KLF13: variants seen among roughly 807,000 people sequenced by gnomAD.
KLF13 encodes the protein KLF transcription factor 13.
Under a neutral mutation model 16.7 loss-of-function variants are expected in KLF13, and 8 were observed. The observed-to-expected ratio is 0.48, with a 90% confidence interval of 0.28 to 0.87. KLF13 has a LOEUF of 0.87. KLF13 is among the 40% of genes least tolerant of loss of function. The pLI is 0.10. For missense variants in KLF13, 447 were observed against 452.2 expected, an observed-to-expected ratio of 0.99 and a Z score of 0.10; for synonymous variants, 245 against 208.4, an observed-to-expected ratio of 1.18 and a Z score of -1.51.
intron 2 of KLF13, among the ~76,000 whole-genome samples, chr15:31,401,968 T>C (rs576345337): frequency 6.6e-6 from 1 of 152,344 alleles, no homozygotes; most frequent in Admixed American, 6.5e-5. Flanking sequence ...CTCAGCAGAA[T>C]TGCCAGAATC....
At chr15:31,352,011 C>CA (rs879823590) in intron 1 of KLF13, among the ~76,000 whole-genome samples, 293 of 130,884 alleles carry the variant, frequency 2.2e-3, no homozygotes, top group Admixed American at 6.8e-3. Flanking sequence ...GACTCCGTGT[C>CA]AAAAAAAAAA....
Position 31,413,187 on chromosome 15 carries a change from C to CAAAAAAAAAAAA in KLF13, n.117+19500_117+19511dup, listed in dbSNP as rs1161762538. Among the ~76,000 whole-genome samples the CAAAAAAAAAAAA allele has an allele frequency of 2.3e-3, 144 of 63,268 alleles. 2 individuals are homozygous for CAAAAAAAAAAAA. Among genetic ancestry groups the CAAAAAAAAAAAA allele is most frequent in the Non-Finnish European group, 3.3e-3 (90 of 27,296 alleles). The allele number at this position is 63,268 out of a possible 152,430, so 41.5% of individuals were successfully genotyped here. On this transcript the variant is annotated intron_variant and non_coding_transcript_variant, in intron 1 of 1. Coordinates refer to the KLF13 transcript ENST00000558225. ...GAAGAACAGAGAGAAAATGAATAGA[C>CAAAAAAAAAAAA]AAAAAAAAAAAAAAACAAAAAACAA...
intron 1 of KLF13, among the ~76,000 whole-genome samples, chr15:31,343,531 G>T (rs911199671): frequency 3.3e-5 from 5 of 152,218 alleles, no homozygotes; most frequent in Admixed American, 3.3e-4. Flanking sequence ...CTCCAGTGGG[G>T]ACCCACAGGT....
intron 1 of KLF13, among the ~76,000 whole-genome samples, chr15:31,328,633 C>T (rs1209370103): frequency 6.6e-6 from 1 of 151,856 alleles, no homozygotes; most frequent in Non-Finnish European, 1.5e-5. Flanking sequence ...CCAGGGCGGG[C>T]GCTGAGCCTC....
chr15:31,364,037 A>G (rs1286844775), intron 1 of KLF13, among the ~76,000 whole-genome samples: 3 of 151,982 alleles, frequency 2.0e-5, no homozygotes, highest in African/African-American at 7.3e-5. Context: ...CACAGTTACC[A>G]CTACCTTTCG....
exon 1 of KLF13, chr15:31,392,905 T>A (rs1016155804): frequency 6.6e-6 from 1 of 151,322 alleles, no homozygotes; most frequent in Admixed American, 6.6e-5. Flanking sequence ...AGGTGCACTG[T>A]CCGGCTCCAG....
rs186946851 is a variant in KLF13 at position 31,396,499 on chromosome 15, G to C, written n.529+2808G>C. Among the ~76,000 whole-genome samples, 601 of 152,312 alleles carry C rather than the reference G, an allele frequency of 3.9e-3. 3 individuals are homozygous for C. Among genetic ancestry groups the C allele is most frequent in the African/African-American group, 0.014 (580 of 41,554 alleles). On this transcript the variant is annotated intron_variant and non_coding_transcript_variant, in intron 2 of 2. Transcript: ENST00000500533. The stretch of plus-strand genomic sequence containing the variant: ...ATTTGGTGGTTGGGGGGCAGCCAGT[G>C]AGTTGGGAGTGCTGATTGGTCAGTG...
chr15:31,431,222 C>G (rs1436806212), intron 1 of KLF13, among the ~76,000 whole-genome samples: 2 of 152,166 alleles, frequency 1.3e-5, no homozygotes, highest in Admixed American at 6.5e-5. Flanking sequence ...GAGAACCCAA[C>G]TATCCTGGCA....
intron 1 of KLF13, among the ~76,000 whole-genome samples, chr15:31,365,791 A>C (rs2039458983): frequency 6.6e-6 from 1 of 151,862 alleles, no homozygotes; most frequent in African/African-American, 2.4e-5. Context: ...AGCTGGCTGC[A>C]TTTGCATGTG....
At chr15:31,428,529 G>C (rs543806436) in intron 1 of KLF13, among the ~76,000 whole-genome samples, 6 of 152,114 alleles carry the variant, frequency 3.9e-5, no homozygotes, top group Non-Finnish European at 7.4e-5. Flanking sequence ...AGGACCGGCC[G>C]CGGGCGGTGG....
chr15:31,382,251 G>T (rs1881877955), downstream of KLF13, among the ~76,000 whole-genome samples: 1 of 152,202 alleles, frequency 6.6e-6, no homozygotes. Flanking sequence ...GCAGCCACTT[G>T]CCCAGATCCT....
chr15:31,381,695 A>G (rs2039728371), downstream of KLF13, among the ~76,000 whole-genome samples: 2 of 152,216 alleles, frequency 1.3e-5, no homozygotes, highest in Non-Finnish European at 1.5e-5. Flanking sequence ...AAATTCACAA[A>G]ACATAGTTGA....
intron 1 of KLF13, among the ~76,000 whole-genome samples, chr15:31,383,626 C>T (rs186369544): frequency 4.9e-4 from 75 of 152,324 alleles, no homozygotes; most frequent in South Asian, 2.3e-3. Flanking sequence ...ATGGGCCGGG[C>T]GCGGTGGCTC....
intron 1 of KLF13, among the ~76,000 whole-genome samples, chr15:31,365,369 C>T (rs1321163122): frequency 6.6e-6 from 1 of 152,148 alleles, no homozygotes; most frequent in Non-Finnish European, 1.5e-5. Flanking sequence ...CCAGGACCTC[C>T]CGGTAGGAGT....
downstream of KLF13, among the ~76,000 whole-genome samples, chr15:31,405,004 A>G (rs2040101005): frequency 1.3e-5 from 2 of 152,204 alleles, no homozygotes; most frequent in Non-Finnish European, 2.9e-5. Flanking sequence ...GTAGTAGGAT[A>G]AAACCAATGA....
At chr15:31,431,154 A>C (rs949519945) in intron 1 of KLF13, among the ~76,000 whole-genome samples, 2 of 152,142 alleles carry the variant, frequency 1.3e-5, no homozygotes, top group African/African-American at 4.8e-5. Context: ...CTCTCACTCC[A>C]CCATGTGTGG....
intron 2 of KLF13, among the ~76,000 whole-genome samples, chr15:31,395,799 A>T (rs2039945018): frequency 6.6e-6 from 1 of 152,208 alleles, no homozygotes; most frequent in Admixed American, 6.5e-5. Flanking sequence ...AATTAATTTG[A>T]TAAAATAAAA....
At chr15:31,431,139 T>G (rs2141015884) in intron 1 of KLF13, among the ~76,000 whole-genome samples, 1 of 152,296 alleles carries the variant, frequency 6.6e-6, no homozygotes, top group Admixed American at 6.5e-5. Flanking sequence ...GCTTGCTGCC[T>G]CTTTCTCTCA....
intron 1 of KLF13, among the ~76,000 whole-genome samples, chr15:31,342,996 G>A (rs1332037577): frequency 6.6e-6 from 1 of 152,238 alleles, no homozygotes; most frequent in Non-Finnish European, 1.5e-5. Flanking sequence ...CCCCAGGCAG[G>A]GCCTGCTTGC....
Sources: gnomAD v4.1 joint callset for allele counts (sites outside exome capture counted in the v4.1 genomes callset) on GRCh38, gnomAD v4.1.1 for gene constraint, MANE v1.5 for transcripts, NCBI Gene and HGNC (gene_info 2026-07-23, HGNC 2026-07-21) for gene names.